CNTNAP4: variants seen among roughly 807,000 people sequenced by gnomAD.
CNTNAP4 encodes contactin-associated protein-like 4.
Under a neutral mutation model 148.4 loss-of-function variants are expected in CNTNAP4, and 98 were observed. The ratio of observed to expected loss-of-function variants is 0.66; its 90% CI spans 0.56 to 0.78. The LOEUF (loss-of-function observed/expected upper bound fraction) is 0.78. Ranked by LOEUF, CNTNAP4 falls within the 30% of genes least tolerant of loss-of-function variation. The pLI is 0.00. For missense variants in CNTNAP4, 1,935 were observed against 1,565.6 expected (o/e 1.24, Z -3.98); for synonymous variants, 730 against 565.1 (o/e 1.29, Z -4.14).
At chr16:76,487,480 G>C (rs574402336) in intron 12 of CNTNAP4, among the ~76,000 whole-genome samples, 1 of 152,310 alleles carries the variant, frequency 6.6e-6, no homozygotes, top group South Asian at 2.1e-4. Flanking sequence ...TCCTAAATAG[G>C]TGTTTGTAGA....
chr16:76,537,334 A>C (rs1410425174), intron 18 of CNTNAP4, among the ~76,000 whole-genome samples: 1 of 152,198 alleles, frequency 6.6e-6, no homozygotes, highest in African/African-American at 2.4e-5. Flanking sequence ...ATCATCTACA[A>C]CTTGTATTCA....
At chr16:76,520,727 G>A (rs2083421107) in intron 15 of CNTNAP4, among the ~76,000 whole-genome samples, 1 of 152,112 alleles carries the variant, frequency 6.6e-6, no homozygotes, top group Non-Finnish European at 1.5e-5. Context: ...AAAAAATACT[G>A]TGAGCTTCTC....
chr16:76,464,291 G>A (rs1051783880), intron 9 of CNTNAP4, among the ~76,000 whole-genome samples: 4 of 152,176 alleles, frequency 2.6e-5, no homozygotes, highest in Non-Finnish European at 5.9e-5. Context: ...GGTACCATGG[G>A]CAAGAGCATG....
At chr16:76,499,432 T>C (rs973964832) in intron 15 of CNTNAP4, among the ~76,000 whole-genome samples, 1 of 152,092 alleles carries the variant, frequency 6.6e-6, no homozygotes, top group African/African-American at 2.4e-5. Flanking sequence ...GGCCTATCAC[T>C]GCCCTCAATA....
At chr16:76,351,759 AGCAGC>A (rs1235384364) in intron 2 of CNTNAP4, among the ~76,000 whole-genome samples, 1 of 152,196 alleles carries the variant, frequency 6.6e-6, no homozygotes, top group East Asian at 1.9e-4. Context: ...TGTAACTGTG[AGCAGC>A]GCTAGGAAGA....
intron 3 of CNTNAP4, among the ~76,000 whole-genome samples, chr16:76,358,876 A>ATG (rs2013049693): frequency 1.3e-5 from 2 of 151,850 alleles, no homozygotes; most frequent in Admixed American, 1.3e-4. Context: ...GTGTATATGT[A>ATG]TGTGTGTGTA....
intron 13 of CNTNAP4, among the ~76,000 whole-genome samples, chr16:76,493,218 G>T (rs888732450): frequency 6.6e-6 from 1 of 152,110 alleles, no homozygotes. Flanking sequence ...AGCTATATTT[G>T]GAGTTTCAGA....
intron 21 of CNTNAP4, among the ~76,000 whole-genome samples, chr16:76,541,441 AATAG>A (rs2084450719): frequency 6.6e-6 from 1 of 152,220 alleles, no homozygotes; most frequent in Non-Finnish European, 1.5e-5. Flanking sequence ...AGTAAATTTT[AATAG>A]ATATTTATTT....
chr16:76,548,295 C>CTTTTTTTTTTTTTTT (rs66981960), intron 21 of CNTNAP4, among the ~76,000 whole-genome samples: 1 of 92,908 alleles, frequency 1.1e-5, no homozygotes. Context: ...TTCACTGCAC[C>CTTTTTTTTTTTTTTT]TTTTTTTTTT....
intron 2 of CNTNAP4, among the ~76,000 whole-genome samples, chr16:76,317,290 AAC>A (rs1420629625): frequency 3.7e-5 from 3 of 81,056 alleles, no homozygotes; most frequent in Non-Finnish European, 6.6e-5. Flanking sequence ...AAAAAAAAAA[AAC>A]CCAAAAAACC....
intron 3 of CNTNAP4, among the ~76,000 whole-genome samples, chr16:76,412,585 A>G (rs1018119835): frequency 3.3e-5 from 5 of 151,344 alleles, no homozygotes; most frequent in African/African-American, 4.8e-5. Context: ...GGTGTGCATA[A>G]CTCTCACACT....
At chr16:76,327,478 A>G (rs1963107705) in intron 2 of CNTNAP4, among the ~76,000 whole-genome samples, 1 of 152,104 alleles carries the variant, frequency 6.6e-6, no homozygotes, top group Non-Finnish European at 1.5e-5. Flanking sequence ...GGTTGATACC[A>G]TGTCTTTGCT....
At chr16:76,540,928 T>C (rs1045180229) in intron 21 of CNTNAP4, 138 bp downstream of exon 21, 10 of 582,440 alleles carry the variant, frequency 1.7e-5, no homozygotes, top group African/African-American at 1.9e-5. Context: ...AAGTGAGTGA[T>C]AATCAAGACA....
chr16:76,466,884 A>C (rs533640486), intron 9 of CNTNAP4, among the ~76,000 whole-genome samples: 1 of 152,088 alleles, frequency 6.6e-6, no homozygotes, highest in East Asian at 1.9e-4. Flanking sequence ...TTCCAAGCCA[A>C]GAGAACCCAT....
At chr16:76,554,789 G>C (rs73621298) in intron 23 of CNTNAP4, among the ~76,000 whole-genome samples, 1,891 of 151,628 alleles carry the variant, frequency 0.012, 52 homozygotes, top group African/African-American at 0.043. Flanking sequence ...TTCGTTTGCA[G>C]GTGACTTAGA....
At position 76,535,545 on chromosome 16, in the gene CNTNAP4, G is replaced by T; in HGVS notation, c.2756G>T (p.Gly919Val). The change falls in exon 18 of 24, where the codon GGT becomes GTT. Residue 919 changes from glycine (G) to valine (V), a missense_variant and splice_region_variant. By Grantham distance (109) the Gly-to-Val change is moderately radical. Transcript: ENST00000611870. The stretch of plus-strand genomic sequence containing the variant: ...TCCATTTGCAGTATTTCCCTTTTAG[G>T]TGGAACGGCCACCAGACAGAGAGGC... ...LLQLNSQLFV[G>V]GTATRQRGFL... The T allele has an allele frequency of 1.2e-6, 2 of 1,611,796 alleles. No homozygotes were observed. Among genetic ancestry groups the T allele is most frequent in the Non-Finnish European group, 1.7e-6 (2 of 1,179,742 alleles).
chr16:76,474,642 A>C (rs2081498203), intron 10 of CNTNAP4, among the ~76,000 whole-genome samples: 1 of 152,184 alleles, frequency 6.6e-6, no homozygotes, highest in African/African-American at 2.4e-5. Flanking sequence ...GGGCATTTAA[A>C]GTCTTGATCT....
intron 8 of CNTNAP4, among the ~76,000 whole-genome samples, chr16:76,458,586 C>A (rs1232187342): frequency 6.6e-6 from 1 of 151,948 alleles, no homozygotes; most frequent in Non-Finnish European, 1.5e-5. Flanking sequence ...CTCGCATGTG[C>A]AGTTCACAAT....
intron 3 of CNTNAP4, among the ~76,000 whole-genome samples, chr16:76,415,735 A>G (rs1470077697): frequency 6.6e-6 from 1 of 151,146 alleles, no homozygotes; most frequent in African/African-American, 2.4e-5. Flanking sequence ...TGACCCTGGA[A>G]ATAATCAGCT....
Sources: allele counts gnomAD v4.1 joint callset (sites outside exome capture counted in the v4.1 genomes callset), GRCh38; gene constraint gnomAD v4.1.1; transcripts MANE v1.5; gene names NCBI Gene and HGNC (gene_info 2026-07-23, HGNC 2026-07-21).